LRRCC1: variants seen among roughly 807,000 people sequenced by gnomAD.
LRRCC1 encodes leucine rich repeat and coiled-coil centrosomal protein 1.
Under a neutral mutation model 126.0 loss-of-function variants are expected in LRRCC1, and 115 were observed. The observed-to-expected ratio is 0.91, with a 90% CI of 0.78 to 1.07. The LOEUF (loss-of-function observed/expected upper bound fraction) is 1.07. LRRCC1 is among the 50% of genes least tolerant of loss of function. LRRCC1 has a pLI of 0.00. For missense variants in LRRCC1, 1,172 were observed against 1,175.7 expected, an observed-to-expected ratio of 1.00 and a Z score of 0.05; for synonymous variants, 400 against 393.4, an observed-to-expected ratio of 1.02 and a Z score of -0.20.
chr8:85,125,225 C>T (rs1050727064), intron 8 of LRRCC1, among the ~76,000 whole-genome samples: 1 of 152,110 alleles, frequency 6.6e-6, no homozygotes, highest in Non-Finnish European at 1.5e-5. Context: ...GGTAGTGCTT[C>T]CTACTTTTTT....
chr8:85,126,772 T>A lies in LRRCC1; in HGVS notation c.1356T>A (p.Asp452Glu). The change falls in exon 9 of 19, where the codon GAT becomes GAA. Residue 452 changes from aspartate to glutamate, a missense_variant. By Grantham distance (45) the Asp-to-Glu change is conservative. Transcript: ENST00000360375. The part of the protein sequence containing the change: ...QAENKLMDYI[D>E]ELHKHANEKE... ...AAAATAAACTCATGGATTATATTGA[T>A]GAGCTGCATAAACATGCAAATGAAA... 2.5e-6 allele frequency: 4 copies of A among 1,612,982 alleles called. No individual in the cohort carries two copies. Among genetic ancestry groups the A allele is most frequent in the Non-Finnish European group, 3.4e-6 (4 of 1,179,684 alleles).
At chr8:85,139,829 T>C (rs1811141392) in intron 17 of LRRCC1, among the ~76,000 whole-genome samples, 1 of 152,218 alleles carries the variant, frequency 6.6e-6, no homozygotes, top group Non-Finnish European at 1.5e-5. Flanking sequence ...GTTCTAATTA[T>C]GTCAAATCTA....
In LRRCC1 at chr8:85,130,074, A is replaced by G. The variant is rs1015380432; in HGVS notation, c.1766+16A>G. Reference sequence around the variant, plus strand: ...AGGAACACAGGTAAATGAAAAATGTATCAGGAATGTATTGGCATTTAAAAA... The same window carrying G: ...AGGAACACAGGTAAATGAAAAATGTGTCAGGAATGTATTGGCATTTAAAAA... On this transcript the variant is annotated intron_variant, in intron 11 of 18. Transcript: ENST00000360375. The G allele has an allele frequency of 1.3e-6, 2 of 1,545,476 alleles. No homozygotes were observed. Among genetic ancestry groups the G allele is most frequent in the Middle Eastern group, 1.7e-4 (1 of 5,790 alleles).
intron 6 of LRRCC1, among the ~76,000 whole-genome samples, chr8:85,117,573 T>G (rs1339957109): frequency 6.6e-6 from 1 of 152,158 alleles, no homozygotes; most frequent in Non-Finnish European, 1.5e-5. Flanking sequence ...TTTATTTTCC[T>G]TAATCATGGG....
At chr8:85,109,987 A>T in intron 2 of LRRCC1, 128 bp from the exon 3 acceptor site, 1 of 606,708 alleles carries the variant, frequency 1.6e-6, no homozygotes. Flanking sequence ...TGCCAATAAA[A>T]TTGATTTCGC....
At chr8:85,115,700 G>A (rs573143834) in intron 6 of LRRCC1, 116 bp downstream of exon 6, 112 of 684,932 alleles carry the variant, frequency 1.6e-4, no homozygotes, top group African/African-American at 1.4e-3. Flanking sequence ...ATCAGTGTTC[G>A]TGTATTTTTG....
At chr8:85,125,200 A>G (rs1487054339) in intron 8 of LRRCC1, among the ~76,000 whole-genome samples, 4 of 152,148 alleles carry the variant, frequency 2.6e-5, no homozygotes, top group Non-Finnish European at 5.9e-5. Context: ...GAATTTTTTA[A>G]TTCTTATTCC....
chr8:85,113,576 G>A (rs1045573388), intron 4 of LRRCC1, among the ~76,000 whole-genome samples: 1 of 151,928 alleles, frequency 6.6e-6, no homozygotes, highest in Admixed American at 6.6e-5. Flanking sequence ...ATGTGTGTGT[G>A]TGCTCAGTAT....
At chr8:85,111,089 T>G (rs1207563489) in intron 3 of LRRCC1, among the ~76,000 whole-genome samples, 1 of 152,126 alleles carries the variant, frequency 6.6e-6, no homozygotes, top group African/African-American at 2.4e-5. Flanking sequence ...AGAACTGAGT[T>G]TGTTTTTGCC....
chr8:85,115,115 T>C lies in LRRCC1; in HGVS notation c.560T>C (p.Ile187Thr), dbSNP rs773940416. The change falls in exon 5 of 19, where the codon ATT becomes ACT. Residue 187 changes from isoleucine (I) to threonine (T), a missense_variant. Ile to Thr is a moderately conservative substitution (Grantham distance 89). Transcript: ENST00000360375. ...VCRLPGYRAV[I>T]LQTLPQLRIL... ...TGTTTCCAAGGGTACAGAGCAGTTA[T>C]TCTCCAGACTTTGCCACAGCTTAGA... 16 of 1,602,502 alleles carry C rather than the reference T, an allele frequency of 1.0e-5. No individual in the cohort carries two copies. The highest frequency in any genetic ancestry group is 1.4e-5 in the Non-Finnish European group (16 of 1,176,292).
chr8:85,109,805 G>T lies in LRRCC1; in HGVS notation c.310+5G>T. The T allele has an allele frequency of 6.7e-7, 1 of 1,496,626 alleles. No individual in the cohort carries two copies. The highest frequency in any genetic ancestry group is 9.1e-7 in the Non-Finnish European group (1 of 1,093,248). The allele number at this position is 1,496,626 out of a possible 1,614,324, so 92.7% of individuals were successfully genotyped here. A position where few individuals can be genotyped will look rare whatever the true frequency, so the allele number is the denominator to read the frequency against. ...ATTTGATTACAAAAGTAGAAGGTTT[G>T]TAAGTGATTTTCATTTAACACTTAG... On this transcript the variant is annotated splice_donor_5th_base_variant and intron_variant, in intron 2 of 18. Transcript: ENST00000360375.
rs1237247484 is a variant in LRRCC1, at chr8:85,146,068, A to C, written c.*557A>C. On this transcript the variant is annotated 3_prime_UTR_variant, in exon 19 of 19. Transcript: ENST00000360375. ...TATCTTTTCATTAAAGATTACATTT[A>C]AGGTTTTATAAATATTGTCTGTTCC... 6.6e-6 allele frequency: 1 copy of C among 152,168 alleles called. No individual in the cohort carries two copies. Among genetic ancestry groups the C allele is most frequent in the Non-Finnish European group, 1.5e-5 (1 of 68,024 alleles). The allele number at this position is 152,168 out of a possible 1,614,324, so 9.4% of individuals were successfully genotyped here.
Position 85,107,300 on chromosome 8 carries a change from A to T in LRRCC1, c.5A>T (p.Glu2Val). 1.2e-6 allele frequency: 2 copies of T among 1,611,726 alleles called. No individual in the cohort carries two copies. Among genetic ancestry groups the T allele is most frequent in the Non-Finnish European group, 1.7e-6 (2 of 1,179,044 alleles). The change falls in exon 1 of 19, where the codon GAG (glutamate) becomes GTG (valine). Residue 2 changes from glutamate (E) to valine (V), a missense_variant. Glu to Val is a moderately radical substitution (Grantham distance 121, BLOSUM62 -2). Coordinates refer to ENST00000360375, the MANE Select transcript of LRRCC1 (RefSeq NM_033402.5). M[E>V]AAAAVVAAEA... ...CCGCTCCCCGTCGCCAGTGCTATGG[A>T]GGCGGCGGCGGCGGTGGTGGCGGCA...
chr8:85,145,554 A>T lies in LRRCC1; in HGVS notation c.*43A>T. The T allele has an allele frequency of 6.7e-7, 1 of 1,502,764 alleles. No homozygotes were observed. Among genetic ancestry groups the T allele is most frequent in the Non-Finnish European group, 8.9e-7 (1 of 1,127,094 alleles). The allele number at this position is 1,502,764 out of a possible 1,614,324, so 93.1% of individuals were successfully genotyped here. The stretch of plus-strand genomic sequence containing the variant: ...TTAATTGAAATAGACCAGCAGACCT[A>T]TTGTAAAAATGATTAAATATTGTAA... On this transcript the variant is annotated 3_prime_UTR_variant, in exon 19 of 19. Transcript: ENST00000360375.
At chr8:85,109,370 G>T in intron 1 of LRRCC1, 1 of 517,660 alleles carries the variant, frequency 1.9e-6, no homozygotes. Context: ...ACTGTCACTT[G>T]CCTGCCTTGA....
chr8:85,116,079 T>C (rs1292767690), intron 6 of LRRCC1, among the ~76,000 whole-genome samples: 1 of 152,204 alleles, frequency 6.6e-6, no homozygotes, highest in Non-Finnish European at 1.5e-5. Flanking sequence ...TCCTGAGCTG[T>C]TAATCCTTCT....
At chr8:85,109,832 G>A (rs753576448) in intron 2 of LRRCC1, 32 bp downstream of exon 2, 68 of 1,183,222 alleles carry the variant, frequency 5.7e-5, no homozygotes, top group Middle Eastern at 2.0e-4. Context: ...AACACTTAGC[G>A]TAAGGAAAAT....
intron 8 of LRRCC1, 57 bp from the exon 9 acceptor site, chr8:85,126,632 G>A: frequency 1.4e-6 from 2 of 1,454,226 alleles, no homozygotes; most frequent in Non-Finnish European, 1.9e-6. Context: ...GAAAATTGAG[G>A]CTGTGAGAAG....
intron 10 of LRRCC1, 102 bp downstream of exon 10, chr8:85,129,481 G>A (rs928915267): frequency 1.0e-6 from 1 of 971,666 alleles, no homozygotes; most frequent in African/African-American, 1.6e-5. Context: ...AAGATGTAAG[G>A]CCATATGCAA....
Sources: gnomAD v4.1 joint callset for allele counts (sites outside exome capture counted in the v4.1 genomes callset) on GRCh38, gnomAD v4.1.1 for gene constraint, MANE v1.5 for transcripts, NCBI Gene and HGNC (gene_info 2026-07-23, HGNC 2026-07-21) for gene names.